Variants in SIMC1 observed in about 807,000 individuals in gnomAD.
SIMC1 encodes the protein SUMO-interacting motif-containing protein 1.
In SIMC1, 55 loss-of-function variants were observed where a neutral mutation model predicts 82.3. That is an observed-to-expected ratio of 0.67 (90% CI 0.54 to 0.84). SIMC1 has a LOEUF of 0.84. SIMC1 is among the 40% of genes least tolerant of loss of function. The probability of loss-of-function intolerance (pLI) is 0.00; values close to 1 mark genes in which losing one functional copy is unlikely to be tolerated. For synonymous variants in SIMC1, 353 were observed against 426.3 expected, an observed-to-expected ratio of 0.83 and a Z score of 2.12; for missense variants, 915 against 1,107.2, an observed-to-expected ratio of 0.83 and a Z score of 2.46.
chr5:176,335,529 C>T (rs1035527452), intron 7 of SIMC1, among the ~76,000 whole-genome samples: 4 of 151,870 alleles, frequency 2.6e-5, no homozygotes, highest in East Asian at 1.9e-4. Flanking sequence ...CCACCCGCCT[C>T]GGCCTCCCAA....
At position 176,251,823 on chromosome 5, in the gene SIMC1, C is replaced by T. The variant is rs533391382; in HGVS notation, c.129+13186C>T. 1.7e-3 allele frequency among the ~76,000 whole-genome samples: 251 copies of T among 150,804 alleles called. 1 individual carries two copies. Among genetic ancestry groups the T allele is most frequent in the Middle Eastern group, 6.9e-3 (2 of 290 alleles). On this transcript the variant is annotated intron_variant, in intron 1 of 9. Transcript: ENST00000429602. The stretch of plus-strand genomic sequence containing the variant: ...GCCTTCAAGCATCTGTTTAACAAAG[C>T]ACATCTTGCACCGCCCTTAATCCAT...
chr5:176,306,929 A>AT (rs1306420824), intron 4 of SIMC1, among the ~76,000 whole-genome samples: 37 of 94,612 alleles, frequency 3.9e-4, no homozygotes, highest in Admixed American at 1.1e-3. Flanking sequence ...ATTAAAAAAA[A>AT]AAAATAATAA....
intron 1 of SIMC1, chr5:176,270,481 A>G (rs1042159586): frequency 6.6e-6 from 1 of 152,162 alleles, no homozygotes; most frequent in Admixed American, 6.5e-5. Flanking sequence ...TTGAACAACT[A>G]TCCACACAAG....
At chr5:176,325,812 C>T (rs62405173) in intron 7 of SIMC1, among the ~76,000 whole-genome samples, 3 of 152,086 alleles carry the variant, frequency 2.0e-5, no homozygotes, top group Non-Finnish European at 4.4e-5. Flanking sequence ...TCACTAAAGG[C>T]TTGGTGGGTG....
intron 9 of SIMC1, among the ~76,000 whole-genome samples, chr5:176,344,466 TATAC>T (rs909548008): frequency 2.9e-4 from 23 of 79,818 alleles, no homozygotes; most frequent in Admixed American, 2.8e-3. Context: ...AGGTCAGGAG[TATAC>T]ACACACACAC....
intron 1 of SIMC1, among the ~76,000 whole-genome samples, chr5:176,284,129 C>T (rs1203284507): frequency 1.3e-5 from 2 of 152,092 alleles, no homozygotes; most frequent in Non-Finnish European, 2.9e-5. Context: ...GATAGAAAGT[C>T]AACAAAGATA....
chr5:176,269,982 C>T (rs1258592646), intron 1 of SIMC1, among the ~76,000 whole-genome samples: 2 of 151,318 alleles, frequency 1.3e-5, no homozygotes, highest in African/African-American at 4.9e-5. Context: ...GTCTTGAACT[C>T]CTGAGCTCAA....
intron 4 of SIMC1, 119 bp from the exon 5 acceptor site, chr5:176,313,572 C>A: frequency 1.9e-6 from 3 of 1,550,786 alleles, no homozygotes; most frequent in Non-Finnish European, 1.8e-6. Flanking sequence ...CTCTTTTAAG[C>A]ACAGGCATAC....
chr5:176,276,498 C>G (rs1762705708), intron 1 of SIMC1, among the ~76,000 whole-genome samples: 2 of 149,618 alleles, frequency 1.3e-5, no homozygotes, highest in Admixed American at 1.3e-4. Flanking sequence ...GCACATTGTG[C>G]AGGTTAGTTA....
chr5:176,318,672 T>C (rs1765019883), intron 5 of SIMC1, among the ~76,000 whole-genome samples: 1 of 152,202 alleles, frequency 6.6e-6, no homozygotes, highest in Non-Finnish European at 1.5e-5. Flanking sequence ...TTTGAGATCT[T>C]GTTTGTCTGC....
At chr5:176,277,224 T>C (rs1762748572) in intron 1 of SIMC1, among the ~76,000 whole-genome samples, 1 of 151,658 alleles carries the variant, frequency 6.6e-6, no homozygotes, top group South Asian at 2.1e-4. Context: ...TTTCATGTGT[T>C]TTTTGGCTGC....
At chr5:176,307,584 T>C (rs1160141141) in intron 4 of SIMC1, among the ~76,000 whole-genome samples, 3 of 151,964 alleles carry the variant, frequency 2.0e-5, no homozygotes, top group African/African-American at 7.3e-5. Context: ...GTATTTTTAG[T>C]AGAGACGGGG....
chr5:176,242,307 G>A (rs1761302220), intron 1 of SIMC1, among the ~76,000 whole-genome samples: 1 of 151,872 alleles, frequency 6.6e-6, no homozygotes, highest in Non-Finnish European at 1.5e-5. Context: ...GCAGTTGTGA[G>A]TTAATATTGC....
In SIMC1 at chr5:176,249,445, G is replaced by A. The variant is rs529616214; in HGVS notation, c.129+10808G>A. Among the ~76,000 whole-genome samples the A allele has an allele frequency of 3.7e-3, 559 of 152,152 alleles. 4 individuals are homozygous for A. Among genetic ancestry groups the A allele is most frequent in the African/African-American group, 0.013 (529 of 41,536 alleles). On this transcript the variant is annotated intron_variant, in intron 1 of 9. Coordinates refer to ENST00000429602, the MANE Select transcript of SIMC1 (RefSeq NM_001308195.2). ...TTTGTATTTCTGTGGGATCAGTGGC[G>A]ATATCCCCTTTATTATTTTTTATTG...
At chr5:176,294,572 C>A (rs1424480202) in intron 2 of SIMC1, among the ~76,000 whole-genome samples, 2 of 151,820 alleles carry the variant, frequency 1.3e-5, no homozygotes, top group Non-Finnish European at 2.9e-5. Context: ...AGCCACTGCA[C>A]CCGTCCTCTT....
At chr5:176,276,157 A>G (rs1251306039) in intron 1 of SIMC1, among the ~76,000 whole-genome samples, 3 of 151,652 alleles carry the variant, frequency 2.0e-5, no homozygotes, top group African/African-American at 4.9e-5. Context: ...AGCTCCTGCT[A>G]TTGGTCTGTT....
intron 1 of SIMC1, among the ~76,000 whole-genome samples, chr5:176,278,867 G>T (rs1380475274): frequency 6.6e-6 from 1 of 150,654 alleles, no homozygotes; most frequent in Non-Finnish European, 1.5e-5. Flanking sequence ...TTTTATTGAG[G>T]ATTTTTGCAT....
At chr5:176,250,093 T>C (rs1761599821) in intron 1 of SIMC1, among the ~76,000 whole-genome samples, 1 of 152,202 alleles carries the variant, frequency 6.6e-6, no homozygotes, top group African/African-American at 2.4e-5. Flanking sequence ...GCTTTAGCTG[T>C]GTCCCAGAGA....
chr5:176,317,146 C>T (rs915116787), intron 5 of SIMC1, among the ~76,000 whole-genome samples: 2 of 152,062 alleles, frequency 1.3e-5, no homozygotes, highest in Non-Finnish European at 2.9e-5. Context: ...GGATATTAGA[C>T]TGAGTTGGTG....
Sources: allele counts gnomAD v4.1 joint callset (sites outside exome capture counted in the v4.1 genomes callset), GRCh38; gene constraint gnomAD v4.1.1; transcripts MANE v1.5; gene names NCBI Gene and HGNC (gene_info 2026-07-23, HGNC 2026-07-21).